The following MYO9B variants were observed in gnomAD, a reference collection of about 807,000 sequenced individuals.
The protein encoded by MYO9B is myosin IXB.
In MYO9B, 71 loss-of-function variants were observed where a neutral mutation model predicts 229.5. The observed-to-expected ratio is 0.31, with a 90% CI of 0.26 to 0.38. MYO9B has a LOEUF of 0.38. Among genes scored for constraint, MYO9B ranks in the 10% least tolerant of loss-of-function variants. The pLI is 1.00. For missense variants in MYO9B, 2,255 were observed against 2,920.5 expected, an observed-to-expected ratio of 0.77 and a Z score of 5.25; for synonymous variants, 1,185 against 1,235.8, an observed-to-expected ratio of 0.96 and a Z score of 0.86.
intron 8 of MYO9B, among the ~76,000 whole-genome samples, chr19:17,161,035 G>A (rs1466186032): frequency 6.6e-6 from 1 of 151,242 alleles, no homozygotes; most frequent in Non-Finnish European, 1.5e-5. Context: ...TAGTAGAGAC[G>A]GGCAATCCAC....
rs958881610 is a variant in MYO9B, at chr19:17,201,938, C to T, written c.4576C>T (p.Arg1526Cys). ...TCTCCCCTTCCAGATAAATGACCTC[C>T]GTTCCCAGAAGACGCCCATTGAGAG... ...EFLLNKINDL[R>C]SQKTPIESLF... The change falls in exon 27 of 40, where the codon CGT (arginine) becomes TGT (cysteine). Residue 1526 changes from arginine to cysteine, a missense_variant. Arg to Cys is a radical substitution (Grantham distance 180). Around this residue, in one of 7 missense-constraint regions of MYO9B, gnomAD observed 416 missense variants for 605.5 expected, o/e 0.69. Transcript: ENST00000682292. 14 of 1,612,494 alleles carry T rather than the reference C, an allele frequency of 8.7e-6. No homozygotes were observed. The highest frequency in any genetic ancestry group is 2.2e-5 in the South Asian group (2 of 90,694).
chr19:17,192,920 C>T lies in MYO9B; in HGVS notation c.2986C>T (p.Arg996Trp), dbSNP rs371738159. 2.1e-5 allele frequency: 32 copies of T among 1,549,776 alleles called. No homozygotes were observed. The highest frequency in any genetic ancestry group is 1.7e-4 in the Middle Eastern group (1 of 5,916). ...GGCCTGCTGGCGGTCCTACCGGGTC[C>T]GGAGGGCGCTGGAGAGGACGCAGGC... ...IQACWRSYRVRRALERTQAAV... is the reference protein window; with the variant it reads ...IQACWRSYRVWRALERTQAAV... Residue 996 changes from arginine to tryptophan, a missense_variant, in exon 21 of 40, where the codon CGG (arginine) becomes TGG (tryptophan). Transcript: ENST00000682292.
In MYO9B at chr19:17,198,297, G is replaced by C; in HGVS notation, c.4227G>C (p.Gln1409His). 1 of 1,613,802 alleles carries C rather than the reference G, an allele frequency of 6.2e-7. No individual in the cohort carries two copies. The highest frequency in any genetic ancestry group is 8.5e-7 in the Non-Finnish European group (1 of 1,179,868). Residue 1409 changes from glutamine to histidine, a missense_variant, in exon 24 of 40, where the codon CAG becomes CAC. By Grantham distance (24) the Gln-to-His change is conservative (BLOSUM62 0). Around this residue, in one of 7 missense-constraint regions of MYO9B, gnomAD observed 679 missense variants for 770.2 expected, o/e 0.88. Coordinates refer to ENST00000682292, the MANE Select transcript of MYO9B (RefSeq NM_004145.4). ...ACGCAGGGCTGTCCCCGGGCTCTCAGGTCGACTCTAAGTAAGTATTGGGCT... is the reference window on the plus strand; with the variant it reads ...ACGCAGGGCTGTCCCCGGGCTCTCACGTCGACTCTAAGTAAGTATTGGGCT... ...LPDAGLSPGS[Q>H]VDSKSTFKRL...
Position 17,211,680 on chromosome 19 carries a change from C to A in MYO9B, c.5964C>A (p.Asp1988Glu). 6.2e-7 allele frequency: 1 copy of A among 1,610,920 alleles called. No individual in the cohort carries two copies. Among genetic ancestry groups the A allele is most frequent in the Admixed American group, 1.7e-5 (1 of 59,280 alleles). ...TCACCTACCGGCTGCCGGAGCTGGA[C>A]CCAAGGGGCTCGGACGAGGAGAACC... ...EDITYRLPEL[D>E]PRGSDEENLD... Residue 1988 changes from aspartate (D) to glutamate (E), a missense_variant, in exon 39 of 40, where the codon GAC (aspartate) becomes GAA (glutamate). Around this residue, in one of 7 missense-constraint regions of MYO9B, gnomAD observed 331 missense variants for 332.5 expected, o/e 1.00. Coordinates refer to ENST00000682292, the MANE Select transcript of MYO9B (RefSeq NM_004145.4).
chr19:17,095,705 G>A (rs1171296648), intron 1 of MYO9B: 2 of 152,170 alleles, frequency 1.3e-5, no homozygotes, highest in African/African-American at 4.8e-5. Context: ...ATTCTTTTGG[G>A]TCTATACCTG....
chr19:17,153,252 C>T (rs989963876), intron 4 of MYO9B, among the ~76,000 whole-genome samples: 1 of 151,738 alleles, frequency 6.6e-6, no homozygotes, highest in Admixed American at 6.6e-5. Flanking sequence ...GGTGTGATCC[C>T]AGCTCACTGC....
In MYO9B at chr19:17,180,989, G is replaced by A. The variant is rs185142767; in HGVS notation, c.2282G>A (p.Arg761His). ...KGLPWQGEDP[R>H]SLLQSLSRLQ... is the part of the protein sequence containing the mutation. ...TTGCCCTGGCAGGGCGAGGACCCCC[G>A]TAGCCTTCTCCAGTCCCTCAGTCGG... Residue 761 changes from arginine to histidine, a missense_variant, in exon 15 of 40, where the codon CGT becomes CAT. By Grantham distance (29) the Arg-to-His change is conservative (BLOSUM62 0). This residue lies in a region of MYO9B where 155 missense variants were observed against 159.1 expected (regional missense o/e 0.97). Coordinates refer to ENST00000682292, the MANE Select transcript of MYO9B (RefSeq NM_004145.4). 470 of 1,610,694 alleles carry A rather than the reference G, an allele frequency of 2.9e-4. 1 individual carries two copies. Among genetic ancestry groups the A allele is most frequent in the Non-Finnish European group, 6.4e-5 (75 of 1,178,742 alleles).
chr19:17,091,870 C>T (rs79031496), intron 1 of MYO9B, among the ~76,000 whole-genome samples: 6,822 of 152,280 alleles, frequency 0.045, 223 homozygotes, highest in South Asian at 0.067. Context: ...GTCCTGTGAC[C>T]GTCCCCTTCA....
intron 10 of MYO9B, among the ~76,000 whole-genome samples, chr19:17,166,835 A>G (rs1330691702): frequency 6.6e-6 from 1 of 152,158 alleles, no homozygotes; most frequent in African/African-American, 2.4e-5. Flanking sequence ...ACATGACCTC[A>G]TTCCTTTTTT....
intron 2 of MYO9B, among the ~76,000 whole-genome samples, chr19:17,105,641 G>A (rs976938270): frequency 2.0e-5 from 3 of 152,114 alleles, no homozygotes; most frequent in East Asian, 1.9e-4. Flanking sequence ...GAGGGAGTTG[G>A]GGGCAGGGTC....
chr19:17,086,089 C>A (rs2057580095), intron 1 of MYO9B, among the ~76,000 whole-genome samples: 1 of 152,228 alleles, frequency 6.6e-6, no homozygotes, highest in Non-Finnish European at 1.5e-5. Context: ...CAAGGCCCCC[C>A]AGAGTCCATC....
At chr19:17,085,702 T>TG (rs915946170) in intron 1 of MYO9B, among the ~76,000 whole-genome samples, 3 of 151,464 alleles carry the variant, frequency 2.0e-5, no homozygotes, top group African/African-American at 7.3e-5. Context: ...AATGTGGACT[T>TG]GCACCTGTAG....
intron 2 of MYO9B, among the ~76,000 whole-genome samples, chr19:17,140,947 A>G (rs955319794): frequency 2.6e-5 from 4 of 151,466 alleles, no homozygotes; most frequent in Non-Finnish European, 4.4e-5. Flanking sequence ...TACTAAAAAT[A>G]CCAAAAATTA....
intron 1 of MYO9B, among the ~76,000 whole-genome samples, chr19:17,078,590 C>T (rs375633182): frequency 2.6e-5 from 4 of 152,032 alleles, no homozygotes; most frequent in African/African-American, 9.7e-5. Context: ...GTCATCAGTA[C>T]GGTGACAGAG....
chr19:17,161,168 A>G (rs2145310539), intron 8 of MYO9B, among the ~76,000 whole-genome samples: 1 of 152,240 alleles, frequency 6.6e-6, no homozygotes, highest in South Asian at 2.1e-4. Flanking sequence ...GCCTGAAGTT[A>G]GTTAGACCCT....
At chr19:17,135,891 C>T (rs1012504394) in intron 2 of MYO9B, among the ~76,000 whole-genome samples, 2 of 152,070 alleles carry the variant, frequency 1.3e-5, no homozygotes, top group African/African-American at 2.4e-5. Context: ...CTTTAAGGTA[C>T]AAATGTACAT....
intron 2 of MYO9B, among the ~76,000 whole-genome samples, chr19:17,117,275 TC>T (rs1430035016): frequency 6.6e-6 from 1 of 152,168 alleles, no homozygotes; most frequent in African/African-American, 2.4e-5. Flanking sequence ...CCAGGATAGA[TC>T]CGATTTCTGC....
chr19:17,131,362 G>A (rs957624778), intron 2 of MYO9B, among the ~76,000 whole-genome samples: 7 of 152,226 alleles, frequency 4.6e-5, no homozygotes, highest in African/African-American at 1.2e-4. Flanking sequence ...GCTGCCTCCC[G>A]CATTCAAGCG....
rs372767042 is a variant in MYO9B at position 17,194,659 on chromosome 19, G to T, written c.3232G>T (p.Ala1078Ser). The T allele has an allele frequency of 3.7e-6, 6 of 1,612,584 alleles. No homozygotes were observed. The highest frequency in any genetic ancestry group is 5.1e-6 in the Non-Finnish European group (6 of 1,179,774). ...TGAGGAGGGCGGACAGGGTCAGGCG[G>T]CTGGAGGGCAGCAGGTAGCTGAGCA... ...GAEEGGQGQA[A>S]GGQQVAEQGP... Residue 1078 changes from alanine (A) to serine (S), a missense_variant, in exon 22 of 40, where the codon GCT (alanine) becomes TCT (serine). Transcript: ENST00000682292.
Sources: gnomAD v4.1 joint callset for allele counts (sites outside exome capture counted in the v4.1 genomes callset) on GRCh38, gnomAD v4.1.1 for gene constraint, gnomAD v4.1.1 regional missense constraint, MANE v1.5 for transcripts, NCBI Gene and HGNC (gene_info 2026-07-23, HGNC 2026-07-21) for gene names.